Variants in FARS2 observed in about 807,000 individuals in gnomAD.
The protein encoded by FARS2 is phenylalanine--tRNA ligase, mitochondrial.
Under a neutral mutation model 46.4 loss-of-function variants are expected in FARS2, and 40 were observed. The ratio of observed to expected loss-of-function variants is 0.86; its 90% confidence interval spans 0.67 to 1.12. The LOEUF (loss-of-function observed/expected upper bound fraction) is 1.12. FARS2 is among the 50% of genes most tolerant of loss of function. The pLI, the probability that FARS2 is intolerant of heterozygous loss-of-function variation, is 0.00. For synonymous variants in FARS2, 234 were observed against 214.9 expected, an observed-to-expected ratio of 1.09 and a Z score of -0.78; for missense variants, 513 against 567.9, an observed-to-expected ratio of 0.90 and a Z score of 0.98.
intron 1 of FARS2, among the ~76,000 whole-genome samples, chr6:5,313,867 A>G (rs1226510084): frequency 6.6e-6 from 1 of 151,956 alleles, no homozygotes; most frequent in African/African-American, 2.4e-5. Flanking sequence ...AATAAAATAA[A>G]ATAAAATAAA....
At chr6:5,545,820 A>G (rs781660513) in intron 5 of FARS2, among the ~76,000 whole-genome samples, 8 of 152,174 alleles carry the variant, frequency 5.3e-5, no homozygotes, top group Non-Finnish European at 7.3e-5. Flanking sequence ...TGAATTTTAA[A>G]TAATGTGAAT....
chr6:5,393,179 A>G (rs1421735468), intron 2 of FARS2, among the ~76,000 whole-genome samples: 1 of 152,070 alleles, frequency 6.6e-6, no homozygotes, highest in African/African-American at 2.4e-5. Context: ...GCTTGGTCGC[A>G]ATAAATAATT....
intron 6 of FARS2, among the ~76,000 whole-genome samples, chr6:5,744,659 T>C (rs1761537827): frequency 6.6e-6 from 1 of 152,068 alleles, no homozygotes; most frequent in Non-Finnish European, 1.5e-5. Context: ...AAACCCACTC[T>C]GGCTCTGCCC....
intron 2 of FARS2, among the ~76,000 whole-genome samples, chr6:5,387,187 CT>C (rs1760189130): frequency 6.6e-6 from 1 of 152,080 alleles, no homozygotes; most frequent in African/African-American, 2.4e-5. Context: ...GAGAAAGAGC[CT>C]TTGGAGAGAT....
chr6:5,415,315 T>C (rs533896420), intron 3 of FARS2, among the ~76,000 whole-genome samples: 1,494 of 129,246 alleles, frequency 0.012, 15 homozygotes, highest in African/African-American at 0.041. Context: ...CTTTTCTTTT[T>C]TTTTTTTTTT....
chr6:5,379,700 A>T (rs1355685982), intron 2 of FARS2, among the ~76,000 whole-genome samples: 1 of 152,132 alleles, frequency 6.6e-6, no homozygotes, highest in African/African-American at 2.4e-5. Context: ...GGGAAGCACT[A>T]TGCTATGAAA....
intron 4 of FARS2, among the ~76,000 whole-genome samples, chr6:5,484,577 A>C (rs66983031): frequency 0.14 from 21,219 of 152,254 alleles, 2,165 homozygotes; most frequent in African/African-American, 0.29. Context: ...TGGACAGTGA[A>C]GTTTAGAGCA....
chr6:5,668,232 A>T (rs1036272611), intron 6 of FARS2: 2 of 152,226 alleles, frequency 1.3e-5, no homozygotes, highest in African/African-American at 2.4e-5. Context: ...AATGGTGATG[A>T]CTTGCTTATA....
At chr6:5,428,811 G>A (rs1762997084) in intron 3 of FARS2, among the ~76,000 whole-genome samples, 1 of 152,318 alleles carries the variant, frequency 6.6e-6, no homozygotes, top group Admixed American at 6.5e-5. Context: ...CGACTACTCA[G>A]GGGACGTGGG....
chr6:5,696,888 T>G (rs1758138574), intron 6 of FARS2, among the ~76,000 whole-genome samples: 1 of 152,184 alleles, frequency 6.6e-6, no homozygotes, highest in South Asian at 2.1e-4. Flanking sequence ...CAGATAAAAC[T>G]TATCCAACCA....
intron 4 of FARS2, among the ~76,000 whole-genome samples, chr6:5,449,056 TA>T (rs1764332768): frequency 6.6e-6 from 1 of 152,160 alleles, no homozygotes; most frequent in Admixed American, 6.5e-5. Flanking sequence ...TCAGTGAAGT[TA>T]AAAGTCACTG....
At chr6:5,442,813 T>C (rs1178986926) in intron 4 of FARS2, among the ~76,000 whole-genome samples, 1 of 152,166 alleles carries the variant, frequency 6.6e-6, no homozygotes, top group Admixed American at 6.5e-5. Context: ...TGGATTTATG[T>C]CCTCCTATGT....
chr6:5,329,710 G>A (rs1372490478), intron 1 of FARS2, among the ~76,000 whole-genome samples: 10 of 152,144 alleles, frequency 6.6e-5, no homozygotes, highest in South Asian at 6.2e-4. Context: ...GGAAAGCATC[G>A]TACTTACTAT....
intron 1 of FARS2, among the ~76,000 whole-genome samples, chr6:5,330,881 C>T (rs965556109): frequency 3.3e-5 from 5 of 151,996 alleles, no homozygotes; most frequent in South Asian, 2.1e-4. Context: ...CAAGGCAGGA[C>T]GATTGCTTGA....
intron 6 of FARS2, among the ~76,000 whole-genome samples, chr6:5,621,653 C>G (rs1166437687): frequency 1.3e-5 from 2 of 152,172 alleles, no homozygotes. Flanking sequence ...CCCTTCTAAT[C>G]CCTTATGAAT....
chr6:5,629,058 G>A (rs772383199), intron 6 of FARS2, among the ~76,000 whole-genome samples: 5 of 152,146 alleles, frequency 3.3e-5, no homozygotes, highest in East Asian at 1.9e-4. Flanking sequence ...TAGCTAGAAC[G>A]GCTGAAAATC....
At chr6:5,488,504 C>T (rs1766909674) in intron 4 of FARS2, among the ~76,000 whole-genome samples, 1 of 152,144 alleles carries the variant, frequency 6.6e-6, no homozygotes, top group Non-Finnish European at 1.5e-5. Flanking sequence ...ATGAAGTCAT[C>T]ATTACAATGT....
rs143259224 is a variant in FARS2 at position 5,343,098 on chromosome 6, T to C, written c.-21-25452T>C. ...AATCTGTATGAAATGACCATTGATA[T>C]CTCCTTACAGTTAATAATGGTAGTA... On this transcript the variant is annotated intron_variant, in intron 1 of 6. Coordinates refer to ENST00000274680, the MANE Select transcript of FARS2 (RefSeq NM_006567.5). This position sits in a 1 kb window ranked among gnomAD's most constrained non-coding sequence, Gnocchi z 4.5. Among the ~76,000 whole-genome samples the C allele has an allele frequency of 8.7e-4, 133 of 152,320 alleles. No homozygotes were observed. Among genetic ancestry groups the C allele is most frequent in the African/African-American group, 3.0e-3 (124 of 41,568 alleles).
upstream of FARS2, among the ~76,000 whole-genome samples, chr6:5,259,630 G>A (rs969612916): frequency 3.9e-5 from 6 of 152,286 alleles, no homozygotes; most frequent in East Asian, 7.7e-4. Context: ...GCTGGAGGGG[G>A]GCCTACCTAA....
Sources: allele counts gnomAD v4.1 joint callset (sites outside exome capture counted in the v4.1 genomes callset), GRCh38; gene constraint gnomAD v4.1.1; non-coding constraint Gnocchi (gnomAD v3.1); transcripts MANE v1.5; gene names NCBI Gene and HGNC (gene_info 2026-07-23, HGNC 2026-07-21).